Variants in DMD observed in about 807,000 individuals in gnomAD.
DMD encodes the protein dystrophin, also known as mutant dystrophin.
A neutral mutation model predicts 330.1 loss-of-function variants in DMD; 63 were observed. The ratio of observed to expected loss-of-function variants is 0.19; its 90% CI spans 0.16 to 0.24. DMD has a LOEUF of 0.24. DMD is among the 10% of genes least tolerant of loss of function. The pLI is 1.00. For missense variants in DMD, 3,344 were observed against 2,684.1 expected (o/e 1.25, Z -5.43); for synonymous variants, 1,223 against 959.8 (o/e 1.27, Z -5.07).
chrX:32,674,153 A>C (rs1025716281), intron 9 of DMD, among the ~76,000 whole-genome samples: 1 of 112,018 alleles, frequency 8.9e-6, no homozygotes, highest in Admixed American at 9.5e-5. Context: ...GCAGGATATA[A>C]TATCTGTTTC....
chrX:32,349,635 CT>C (rs780514333), intron 37 of DMD, among the ~76,000 whole-genome samples: 11 of 111,260 alleles, frequency 9.9e-5, no homozygotes, highest in African/African-American at 3.6e-4. Context: ...AGAAGAAAAA[CT>C]AAATATCTAA....
chrX:32,455,964 G>T (rs892409238), intron 25 of DMD, among the ~76,000 whole-genome samples: 3 of 111,023 alleles, frequency 2.7e-5, no homozygotes, highest in African/African-American at 9.8e-5. Flanking sequence ...CATACACCTT[G>T]TTACAAGGCA....
chrX:31,574,220 C>T (rs1466295829), intron 55 of DMD, among the ~76,000 whole-genome samples: 7 of 103,744 alleles, frequency 6.7e-5, no homozygotes, highest in African/African-American at 1.1e-4. Context: ...CTCGGCTCAC[C>T]GCAAGCTCCA....
At chrX:32,735,532 T>G (rs2148107333) in intron 7 of DMD, among the ~76,000 whole-genome samples, 1 of 111,423 alleles carries the variant, frequency 9.0e-6, no homozygotes, top group African/African-American at 3.3e-5. Context: ...AAGGCTGCAG[T>G]AACCAAAACA....
intron 7 of DMD, among the ~76,000 whole-genome samples, chrX:32,720,093 T>C (rs1897928528): frequency 9.0e-6 from 1 of 111,363 alleles, no homozygotes; most frequent in Non-Finnish European, 1.9e-5. Flanking sequence ...CTAGCATTTC[T>C]TTGACTGTTT....
chrX:32,759,857 G>T (rs78388660), intron 7 of DMD, among the ~76,000 whole-genome samples: 6 of 48,631 alleles, frequency 1.2e-4, no homozygotes, highest in East Asian at 1.6e-3. Flanking sequence ...GGGGGGGGGG[G>T]GGCGGGGGAA....
At position 32,513,974 on chromosome X, in the gene DMD, G is replaced by C. The variant is rs73619102; in HGVS notation, c.2292+4034C>G. 9.6e-3 allele frequency among the ~76,000 whole-genome samples: 1,073 copies of C among 111,821 alleles called. 13 individuals carry two copies. The highest frequency in any genetic ancestry group is 0.033 in the African/African-American group (1,004 of 30,727). ...AGGGAAAAGAGGTTAATAGGTTCTAGTTCTACAGAGGGATTGAGTAAGATA... is the reference window on the plus strand; with the variant it reads ...AGGGAAAAGAGGTTAATAGGTTCTACTTCTACAGAGGGATTGAGTAAGATA... On this transcript the variant is annotated intron_variant, in intron 18 of 78. Transcript: ENST00000357033.
chrX:31,441,262 T>C (rs1028240707), intron 60 of DMD, among the ~76,000 whole-genome samples: 13 of 111,968 alleles, frequency 1.2e-4, no homozygotes, highest in African/African-American at 4.2e-4. Flanking sequence ...AGTGGCACGA[T>C]CTCAGCTCAC....
At chrX:32,220,639 G>GA (rs1032260838) in intron 43 of DMD, among the ~76,000 whole-genome samples, 1 of 110,000 alleles carries the variant, frequency 9.1e-6, no homozygotes, top group Non-Finnish European at 1.9e-5. Context: ...AATTCCAAAT[G>GA]AAAAAAATAT....
At chrX:31,438,314 T>C (rs930226922) in intron 60 of DMD, among the ~76,000 whole-genome samples, 20 of 111,686 alleles carry the variant, frequency 1.8e-4, no homozygotes, top group Non-Finnish European at 3.2e-4. Context: ...GTACTTAACA[T>C]AGAACAGGGG....
At chrX:32,442,238 T>C (rs1280305451) in intron 27 of DMD, among the ~76,000 whole-genome samples, 1 of 110,291 alleles carries the variant, frequency 9.1e-6, no homozygotes, top group Non-Finnish European at 1.9e-5. Flanking sequence ...CATCAAGTAA[T>C]TGAAAAACAG....
chrX:31,563,916 T>A (rs1391179719), intron 55 of DMD, among the ~76,000 whole-genome samples: 2 of 111,644 alleles, frequency 1.8e-5, no homozygotes, highest in Non-Finnish European at 3.8e-5. Context: ...TGTGACCCTA[T>A]TTGGAGATAG....
intron 41 of DMD, among the ~76,000 whole-genome samples, chrX:32,325,284 C>T (rs967166654): frequency 2.0e-4 from 22 of 110,689 alleles, no homozygotes; most frequent in Non-Finnish European, 4.2e-4. Context: ...CTTAATCTAC[C>T]TTTGTATTAA....
intron 44 of DMD, among the ~76,000 whole-genome samples, chrX:32,121,661 A>ATG (rs1557150856): frequency 1.2e-4 from 10 of 81,311 alleles, no homozygotes; most frequent in Non-Finnish European, 1.7e-4. Flanking sequence ...ATATATATAT[A>ATG]TATGTATTCG....
intron 42 of DMD, among the ~76,000 whole-genome samples, chrX:32,303,262 T>G (rs2148549267): frequency 9.0e-6 from 1 of 111,372 alleles, no homozygotes; most frequent in South Asian, 3.7e-4. Context: ...CCCTGTCTTC[T>G]TCTATCTCAG....
chrX:31,826,402 C>G (rs2092897052), intron 49 of DMD, among the ~76,000 whole-genome samples: 1 of 112,265 alleles, frequency 8.9e-6, no homozygotes, highest in Admixed American at 9.4e-5. Flanking sequence ...TGGCTGTTCA[C>G]AAAAACAATC....
chrX:31,643,308 A>G (rs1403233825), intron 54 of DMD, among the ~76,000 whole-genome samples: 2 of 111,929 alleles, frequency 1.8e-5, no homozygotes, highest in Non-Finnish European at 3.8e-5. Context: ...TGTAGGGAAA[A>G]ATGGTATTTC....
Position 31,381,718 on chromosome X carries a change from G to C in DMD, c.9085-33084C>G, listed in dbSNP as rs767229584. Among the ~76,000 whole-genome samples the C allele has an allele frequency of 5.4e-5, 6 of 111,406 alleles. 1 individual carries two copies. In the Admixed American group the frequency reaches 5.7e-4, roughly 11 times the overall value. ...TGATGGCAGTTCCACCAGGCCTAATGGCCACACACCAGCAAAGGCAGGCTA... is the reference window on the plus strand; with the variant it reads ...TGATGGCAGTTCCACCAGGCCTAATCGCCACACACCAGCAAAGGCAGGCTA... On this transcript the variant is annotated intron_variant, in intron 60 of 78. Transcript: ENST00000357033.
chrX:32,645,478 TCTTA>T (rs935507900), intron 9 of DMD, among the ~76,000 whole-genome samples: 2 of 112,260 alleles, frequency 1.8e-5, no homozygotes, highest in African/African-American at 6.5e-5. Context: ...TTTCCTCATT[TCTTA>T]TTTATAATAA....
Sources: gnomAD v4.1 joint callset for allele counts (sites outside exome capture counted in the v4.1 genomes callset) on GRCh38, gnomAD v4.1.1 for gene constraint, MANE v1.5 for transcripts, NCBI Gene and HGNC (gene_info 2026-07-23, HGNC 2026-07-21) for gene names.